The following RBFOX1 variants were observed in gnomAD, a reference collection of about 807,000 sequenced individuals.
The protein encoded by RBFOX1 is RNA binding protein fox-1 homolog 1.
RBFOX1 carries 8 observed loss-of-function variants against 57.7 expected under a neutral mutation model. The observed-to-expected ratio is 0.14, with a 90% CI of 0.08 to 0.25. The LOEUF (loss-of-function observed/expected upper bound fraction) is 0.25, where lower values mean the gene tolerates loss of function less well. RBFOX1 is among the 10% of genes least tolerant of loss of function. The probability of loss-of-function intolerance (pLI) is 1.00; values close to 1 mark genes in which losing one functional copy is unlikely to be tolerated. For missense variants in RBFOX1, 611 were observed against 548.5 expected (o/e 1.11, Z -1.14); for synonymous variants, 326 against 222.4 (o/e 1.47, Z -4.15).
intron 2 of RBFOX1, among the ~76,000 whole-genome samples, chr16:6,575,862 AAAATAAATAAAT>A (rs60635526): frequency 5.5e-5 from 8 of 145,444 alleles, no homozygotes; most frequent in African/African-American, 1.0e-4. Flanking sequence ...ATCTCAATAA[AAAATAAATAAAT>A]AAATAAATAA....
At chr16:6,769,347 C>G (rs1205763427) in intron 3 of RBFOX1, among the ~76,000 whole-genome samples, 1 of 152,184 alleles carries the variant, frequency 6.6e-6, no homozygotes, top group African/African-American at 2.4e-5. Flanking sequence ...AAAGGTCTTT[C>G]TCCCGTAAGT....
chr16:7,524,305 G>A (rs558584727), intron 5 of RBFOX1, among the ~76,000 whole-genome samples: 1 of 152,282 alleles, frequency 6.6e-6, no homozygotes, highest in South Asian at 2.1e-4. Context: ...TCAGTAAAAT[G>A]CAGACAGAAA....
chr16:5,669,672 C>T (rs2049958682), intron 3 of RBFOX1, among the ~76,000 whole-genome samples: 1 of 152,122 alleles, frequency 6.6e-6, no homozygotes, highest in Non-Finnish European at 1.5e-5. Context: ...CCTGCCTTGG[C>T]CACCCAAAGT....
chr16:5,860,329 C>A (rs2057181058), intron 3 of RBFOX1, among the ~76,000 whole-genome samples: 1 of 152,182 alleles, frequency 6.6e-6, no homozygotes, highest in African/African-American at 2.4e-5. Context: ...CCCGCCTCCA[C>A]CTCCCAAAGT....
intron 11 of RBFOX1, among the ~76,000 whole-genome samples, chr16:7,644,245 G>C (rs1193731996): frequency 6.6e-6 from 1 of 152,178 alleles, no homozygotes; most frequent in African/African-American, 2.4e-5. Flanking sequence ...AGTGAAGATA[G>C]CAACAATCAT....
chr16:6,777,549 C>T (rs1181948847), intron 3 of RBFOX1, among the ~76,000 whole-genome samples: 5 of 152,054 alleles, frequency 3.3e-5, no homozygotes. Flanking sequence ...AACTTTAGAC[C>T]TTGCAGGCCT....
At chr16:7,049,936 G>C (rs76063477) in intron 3 of RBFOX1, among the ~76,000 whole-genome samples, 2,607 of 152,210 alleles carry the variant, frequency 0.017, 78 homozygotes, top group African/African-American at 0.059. Flanking sequence ...TCACAATGTT[G>C]TGCAAATATC....
rs1567470108 is a variant in RBFOX1, at chr16:5,737,506, A to C, written c.319-129797A>C. 5.4e-5 allele frequency among the ~76,000 whole-genome samples: 8 copies of C among 148,418 alleles called. 1 individual carries two copies. In the Admixed American group the frequency reaches 5.6e-4, roughly 10 times the overall value. ...ATCTCAAAAATAAATAAATAAAATT[A>C]AAACAAAAATATTCTGGATTTTTTT... On this transcript the variant is annotated intron_variant, in intron 3 of 19. Transcript: ENST00000641259.
intron 3 of RBFOX1, among the ~76,000 whole-genome samples, chr16:6,702,422 C>T (rs887254488): frequency 3.9e-5 from 6 of 152,144 alleles, no homozygotes; most frequent in African/African-American, 1.2e-4. Flanking sequence ...GGCGTGCTGG[C>T]ATATGCCTGT....
At chr16:6,934,660 A>C (rs554508519) in intron 3 of RBFOX1, among the ~76,000 whole-genome samples, 1 of 152,228 alleles carries the variant, frequency 6.6e-6, no homozygotes, top group East Asian at 1.9e-4. Context: ...CAAGTACCAT[A>C]TTCTCACTCA....
chr16:6,587,945 T>A (rs902947253), intron 2 of RBFOX1, among the ~76,000 whole-genome samples: 7 of 152,090 alleles, frequency 4.6e-5, no homozygotes, highest in Non-Finnish European at 8.8e-5. Context: ...ACAAGGCGGT[T>A]TTTGCCTGGC....
intron 2 of RBFOX1, among the ~76,000 whole-genome samples, chr16:6,531,673 C>T (rs960795529): frequency 2.0e-5 from 3 of 152,098 alleles, no homozygotes; most frequent in African/African-American, 7.2e-5. Flanking sequence ...AGCCCTTGTC[C>T]TGCCTTTCTA....
chr16:7,579,755 C>T lies in RBFOX1; in HGVS notation c.271-22C>T, dbSNP rs376003075. On this transcript the variant is annotated intron_variant, in intron 5 of 15. Transcript: ENST00000550418. ...CACTGTGGTCCACTGAGAACCTCTT[C>T]GGTTTCTTCTTGTTCTTTTAGCAGA... The T allele has an allele frequency of 7.2e-5, 117 of 1,613,814 alleles. 1 individual carries two copies. Among genetic ancestry groups the T allele is most frequent in the Middle Eastern group, 6.6e-4 (4 of 6,078 alleles).
intron 4 of RBFOX1, among the ~76,000 whole-genome samples, chr16:7,311,570 G>A (rs890107578): frequency 2.8e-5 from 4 of 142,832 alleles, no homozygotes; most frequent in African/African-American, 7.8e-5. Flanking sequence ...AAACATCCCC[G>A]GTTTTTCCCT....
At chr16:7,555,704 G>A (rs147720510) in intron 5 of RBFOX1, among the ~76,000 whole-genome samples, 1 of 152,218 alleles carries the variant, frequency 6.6e-6, no homozygotes, top group East Asian at 1.9e-4. Flanking sequence ...TGCACTGGCT[G>A]TGTCTGGGAC....
intron 4 of RBFOX1, among the ~76,000 whole-genome samples, chr16:7,332,529 A>C (rs755700352): frequency 1.8e-4 from 27 of 152,156 alleles, no homozygotes; most frequent in African/African-American, 1.7e-4. Context: ...CGATAATCAC[A>C]TTAATTTACA....
chr16:6,206,817 A>G (rs1487361188), intron 1 of RBFOX1, among the ~76,000 whole-genome samples: 2 of 152,104 alleles, frequency 1.3e-5, no homozygotes, highest in African/African-American at 2.4e-5. Context: ...TCAACAGGCA[A>G]CTGTTATTTG....
At chr16:5,454,843 TTC>T (rs1567534611) in intron 1 of RBFOX1, among the ~76,000 whole-genome samples, 32 of 108,920 alleles carry the variant, frequency 2.9e-4, no homozygotes, top group African/African-American at 1.2e-3. Flanking sequence ...TTTCTTTCCT[TTC>T]TTTCTTTCTT....
intron 3 of RBFOX1, among the ~76,000 whole-genome samples, chr16:5,711,549 A>C (rs1177258914): frequency 6.6e-6 from 1 of 152,184 alleles, no homozygotes; most frequent in African/African-American, 2.4e-5. Flanking sequence ...AATAAAGAGC[A>C]TTAGGTGGCA....
Sources: gnomAD v4.1 joint callset for allele counts (sites outside exome capture counted in the v4.1 genomes callset) on GRCh38, gnomAD v4.1.1 for gene constraint, MANE v1.5 for transcripts, NCBI Gene and HGNC (gene_info 2026-07-23, HGNC 2026-07-21) for gene names.